The following ARHGAP8 variants were observed in gnomAD, a reference collection of about 807,000 sequenced individuals.
ARHGAP8 encodes Rho GTPase activating protein 8.
Under a neutral mutation model 46.1 loss-of-function variants are expected in ARHGAP8, and 62 were observed. That is an observed-to-expected ratio of 1.34 (90% CI 1.10 to 1.66). ARHGAP8 has a LOEUF of 1.66. ARHGAP8 is among the 40% of genes most tolerant of loss of function. The probability of loss-of-function intolerance (pLI) is 0.00; values close to 1 mark genes in which losing one functional copy is unlikely to be tolerated. For synonymous variants in ARHGAP8, 375 were observed against 243.1 expected, an observed-to-expected ratio of 1.54 and a Z score of -5.05; for missense variants, 923 against 568.4, an observed-to-expected ratio of 1.62 and a Z score of -6.34.
chr22:44,823,426 CAT>C (rs1027941457), intron 6 of ARHGAP8, among the ~76,000 whole-genome samples: 23 of 152,274 alleles, frequency 1.5e-4, no homozygotes, highest in Admixed American at 4.6e-4. Flanking sequence ...CTCCTGCAAA[CAT>C]ATGGGTGAAA....
intron 2 of ARHGAP8, among the ~76,000 whole-genome samples, chr22:44,793,156 A>G (rs1020074995): frequency 6.6e-6 from 1 of 152,134 alleles, no homozygotes; most frequent in African/African-American, 2.4e-5. Flanking sequence ...TGACTTCAGT[A>G]TCTTAAGAAG....
chr22:44,797,153 A>G (rs1331928379), intron 2 of ARHGAP8, among the ~76,000 whole-genome samples: 2 of 150,608 alleles, frequency 1.3e-5, no homozygotes, highest in African/African-American at 2.5e-5. Flanking sequence ...CATTGGTCCA[A>G]TTATCTGGCA....
At chr22:44,821,157 C>T (rs1423228267) in intron 5 of ARHGAP8, among the ~76,000 whole-genome samples, 1 of 152,184 alleles carries the variant, frequency 6.6e-6, no homozygotes, top group African/African-American at 2.4e-5. Context: ...CTTGGCCAGG[C>T]ACGGTGGCTC....
rs949329006 is a variant in ARHGAP8 at position 44,802,253 on chromosome 22, C to T, written c.167+89C>T. ...ACCCCACCTCACTCTGAGTCATCTGCTGTGGTCTGGGGCCTCCTTTGTGAC... is the reference window on the plus strand; with the variant it reads ...ACCCCACCTCACTCTGAGTCATCTGTTGTGGTCTGGGGCCTCCTTTGTGAC... On this transcript the variant is annotated intron_variant, in intron 3 of 11. Transcript: ENST00000356099. 1.6e-5 allele frequency: 25 copies of T among 1,528,482 alleles called. No homozygotes were observed. The African/African-American group carries it at 3.1e-4, about 19-fold the overall frequency. The allele number at this position is 1,528,482 out of a possible 1,614,324, so 94.7% of individuals were successfully genotyped here. A position where few individuals can be genotyped will look rare whatever the true frequency, so the allele number is the denominator to read the frequency against.
chr22:44,835,005 G>A (rs913191366), intron 7 of ARHGAP8, among the ~76,000 whole-genome samples: 2 of 151,996 alleles, frequency 1.3e-5, no homozygotes, highest in Non-Finnish European at 2.9e-5. Context: ...AATCTAAATT[G>A]TGTCTCTTGC....
intron 10 of ARHGAP8, chr22:44,849,664 G>C (rs916509745): frequency 6.6e-6 from 1 of 152,316 alleles, no homozygotes; most frequent in Non-Finnish European, 1.5e-5. Context: ...CTAAGTCATC[G>C]AACACCGTCT....
At chr22:44,819,309 C>T (rs1233060007) in intron 5 of ARHGAP8, among the ~76,000 whole-genome samples, 1 of 152,214 alleles carries the variant, frequency 6.6e-6, no homozygotes, top group Non-Finnish European at 1.5e-5. Context: ...TCAAGTAATC[C>T]TCCAGCCTCG....
chr22:44,807,752 G>C (rs937876450), intron 3 of ARHGAP8, among the ~76,000 whole-genome samples: 1 of 152,206 alleles, frequency 6.6e-6, no homozygotes, highest in Non-Finnish European at 1.5e-5. Context: ...CCTGGGAAGG[G>C]AGAAGCCCTT....
rs568222877 is a variant in ARHGAP8, at chr22:44,821,247, T to C, written c.387-1124T>C. Among the ~76,000 whole-genome samples, 377 of 152,080 alleles carry C rather than the reference T, an allele frequency of 2.5e-3. 2 individuals carry two copies. Among genetic ancestry groups the C allele is most frequent in the African/African-American group, 4.8e-3 (200 of 41,490 alleles). On this transcript the variant is annotated intron_variant, in intron 5 of 11. Coordinates refer to ENST00000356099, the MANE Select transcript of ARHGAP8 (RefSeq NM_181335.3). ...GAGATCGAGACCATCCTGGCTAACA[T>C]GTTGAAACCCCGTCTCTACTAAAAA...
At chr22:44,763,491 C>CAA (rs370437700) in intron 1 of ARHGAP8, among the ~76,000 whole-genome samples, 4,896 of 78,088 alleles carry the variant, frequency 0.063, 502 homozygotes, top group African/African-American at 0.19. Context: ...GACTCTGTCT[C>CAA]AAAAAAAAAA....
intron 6 of ARHGAP8, 75 bp from the exon 7 acceptor site, chr22:44,825,408 C>G: frequency 6.7e-7 from 1 of 1,489,144 alleles, no homozygotes; most frequent in Non-Finnish European, 9.1e-7. Flanking sequence ...GGTGGGGCAT[C>G]CAGCCCCACC....
intron 11 of ARHGAP8, among the ~76,000 whole-genome samples, chr22:44,861,426 C>T (rs963003492): frequency 1.3e-5 from 2 of 152,176 alleles, no homozygotes; most frequent in African/African-American, 4.8e-5. Context: ...CTGCAGTGGG[C>T]CTGGCTGGTG....
At chr22:44,854,826 C>T (rs867200797) in intron 10 of ARHGAP8, among the ~76,000 whole-genome samples, 3 of 152,100 alleles carry the variant, frequency 2.0e-5, no homozygotes, top group East Asian at 2.0e-4. Flanking sequence ...GTTGTAGAGA[C>T]GGGGTTTCAC....
At chr22:44,816,336 A>G (rs1472573043) in intron 5 of ARHGAP8, among the ~76,000 whole-genome samples, 1 of 152,066 alleles carries the variant, frequency 6.6e-6, no homozygotes. Flanking sequence ...CCTGGGAAGC[A>G]TCTCGGCCCC....
At chr22:44,755,119 C>G (rs6006876) in intron 1 of ARHGAP8, among the ~76,000 whole-genome samples, 33,596 of 152,164 alleles carry the variant, frequency 0.22, 4,135 homozygotes, top group South Asian at 0.46. Context: ...TCAGGAGGCA[C>G]GGACTGTTAC....
chr22:44,851,763 T>C (rs2070099924), intron 10 of ARHGAP8, among the ~76,000 whole-genome samples: 1 of 151,866 alleles, frequency 6.6e-6, no homozygotes, highest in Non-Finnish European at 1.5e-5. Flanking sequence ...CACCTGAGCC[T>C]GGGAGTTGGA....
chr22:44,755,544 C>T (rs1278562448), intron 1 of ARHGAP8, among the ~76,000 whole-genome samples: 2 of 152,300 alleles, frequency 1.3e-5, no homozygotes, highest in Admixed American at 1.3e-4. Context: ...GCCTCTGGGC[C>T]CTGCACTGTG....
intron 2 of ARHGAP8, among the ~76,000 whole-genome samples, chr22:44,787,988 A>G (rs8136290): frequency 0.42 from 59,442 of 142,100 alleles, 13,138 homozygotes; most frequent in East Asian, 0.55. Flanking sequence ...AGGTAGAGGG[A>G]ACACTGGACC....
chr22:44,832,838 G>A (rs544909541), intron 7 of ARHGAP8, among the ~76,000 whole-genome samples: 1 of 152,216 alleles, frequency 6.6e-6, no homozygotes, highest in African/African-American at 2.4e-5. Flanking sequence ...TTAAGAATCA[G>A]CAGTTAAGCT....
Sources: gnomAD v4.1 joint callset for allele counts (sites outside exome capture counted in the v4.1 genomes callset) on GRCh38, gnomAD v4.1.1 for gene constraint, MANE v1.5 for transcripts, NCBI Gene and HGNC (gene_info 2026-07-23, HGNC 2026-07-21) for gene names.